TRPM3: variants seen among roughly 807,000 people sequenced by gnomAD.
TRPM3 encodes transient receptor potential cation channel subfamily M member 3.
Under a neutral mutation model 181.2 loss-of-function variants are expected in TRPM3, and 77 were observed. That is an observed-to-expected ratio of 0.42 (90% confidence interval 0.35 to 0.51). TRPM3 has a LOEUF of 0.51. Ranked by LOEUF, TRPM3 falls within the 20% of genes least tolerant of loss-of-function variation. The pLI, the probability that TRPM3 is intolerant of heterozygous loss-of-function variation, is 0.01. For synonymous variants in TRPM3, 745 were observed against 796.4 expected (o/e 0.94, Z 1.09); for missense variants, 1,759 against 2,196.7 (o/e 0.80, Z 3.98).
Position 70,619,061 on chromosome 9 carries a change from G to T in TRPM3, c.2164C>A (p.Gln722Lys). The T allele has an allele frequency of 6.2e-7, 1 of 1,614,004 alleles. No homozygotes were observed. Among genetic ancestry groups the T allele is most frequent in the Non-Finnish European group, 8.5e-7 (1 of 1,179,952 alleles). The part of the protein sequence containing the change: ...FGQLAVELLD[Q>K]SYKQDEQLAM... The stretch of plus-strand genomic sequence containing the variant: ...AGCTGTTCGTCCTGCTTGTAGGACT[G>T]GTCCAGGAGCTCCACAGCCAGCTGG... The change falls in exon 17 of 26, where the codon CAG becomes AAG. Residue 722 changes from glutamine (Q) to lysine (K), a missense_variant. By Grantham distance (53) the Gln-to-Lys change is moderately conservative. Transcript: ENST00000677713.
intron 1 of TRPM3, among the ~76,000 whole-genome samples, chr9:71,296,837 G>T (rs1284113444): frequency 1.3e-5 from 2 of 152,090 alleles, no homozygotes; most frequent in Non-Finnish European, 2.9e-5. Flanking sequence ...AAGTAGAAGA[G>T]AAAGAACTTA....
intron 22 of TRPM3, among the ~76,000 whole-genome samples, chr9:70,563,473 C>G (rs778375750): frequency 6.6e-6 from 1 of 152,210 alleles, no homozygotes. Context: ...GTCCTTTCCT[C>G]ATTTCTTCAC....
chr9:71,383,670 T>G (rs1364845168), intron 1 of TRPM3, among the ~76,000 whole-genome samples: 2 of 152,172 alleles, frequency 1.3e-5, no homozygotes, highest in Non-Finnish European at 2.9e-5. Flanking sequence ...GACTACCCCT[T>G]TTTTGCTTTT....
At chr9:70,592,974 C>T (rs773986462) in intron 21 of TRPM3, among the ~76,000 whole-genome samples, 12 of 152,116 alleles carry the variant, frequency 7.9e-5, no homozygotes, top group Admixed American at 3.3e-4. Context: ...TTGTGAGCCA[C>T]CCGCCTCGGC....
Position 70,883,768 on chromosome 9 carries a change from C to T in TRPM3, c.178-19257G>A, listed in dbSNP as rs562458239. On this transcript the variant is annotated intron_variant, in intron 1 of 25. Transcript: ENST00000677713. ...GGTAGAAGAAGCTGACATCGAGGGG[C>T]GATGAGACTTGCTCAAGTTCACACC... 1.2e-4 allele frequency among the ~76,000 whole-genome samples: 19 copies of T among 152,278 alleles called. 1 individual carries two copies. The highest frequency in any genetic ancestry group is 6.5e-4 in the Admixed American group (10 of 15,290).
intron 1 of TRPM3, among the ~76,000 whole-genome samples, chr9:70,927,459 C>A (rs76718857): frequency 0.054 from 8,146 of 152,106 alleles, 267 homozygotes; most frequent in South Asian, 0.08. Context: ...AATGCACTGG[C>A]AAAGACTTAA....
rs538909005 is a variant in TRPM3 at position 70,964,366 on chromosome 9, C to A, written c.178-99855G>T. On this transcript the variant is annotated intron_variant, in intron 1 of 25. Coordinates refer to ENST00000677713, the MANE Select transcript of TRPM3 (RefSeq NM_001366145.2). ...AATTAACAGAGAGGTAACAGAAGAA[C>A]CAGAGCTTAAAAACTATGAGACATT... is the stretch of plus-strand genomic sequence containing the variant. 2.0e-5 allele frequency among the ~76,000 whole-genome samples: 3 copies of A among 152,076 alleles called. No individual in the cohort carries two copies. The South Asian group carries it at 6.2e-4, about 32-fold the overall frequency.
intron 1 of TRPM3, among the ~76,000 whole-genome samples, chr9:71,148,003 G>T (rs2075520863): frequency 1.3e-5 from 2 of 151,660 alleles, no homozygotes; most frequent in African/African-American, 4.8e-5. Context: ...TAGCCAGCAA[G>T]TCTCCTTCCT....
chr9:70,997,252 G>A (rs746266736), intron 1 of TRPM3, among the ~76,000 whole-genome samples: 1 of 152,078 alleles, frequency 6.6e-6, no homozygotes, highest in Admixed American at 6.5e-5. Context: ...AGGCTGGAGT[G>A]CAGTGGCACG....
At chr9:70,561,240 A>G (rs930583411) in intron 22 of TRPM3, among the ~76,000 whole-genome samples, 4 of 152,204 alleles carry the variant, frequency 2.6e-5, no homozygotes, top group African/African-American at 9.7e-5. Context: ...CCTTTTGAAA[A>G]TCTATACAGT....
At chr9:71,331,877 A>AGGAGAGG (rs1293016190) in intron 1 of TRPM3, among the ~76,000 whole-genome samples, 2 of 1,440 alleles carry the variant, frequency 1.4e-3, no homozygotes, top group African/African-American at 6.0e-3. Context: ...GGAGGAAGAA[A>AGGAGAGG]GAGGAGGAAG....
At chr9:71,005,765 A>C (rs1797833217) in intron 1 of TRPM3, among the ~76,000 whole-genome samples, 1 of 152,244 alleles carries the variant, frequency 6.6e-6, no homozygotes, top group Non-Finnish European at 1.5e-5. Flanking sequence ...CTTACAAAAA[A>C]TGTTAAATGG....
At chr9:71,014,122 T>C (rs2097766429) in intron 1 of TRPM3, among the ~76,000 whole-genome samples, 1 of 152,046 alleles carries the variant, frequency 6.6e-6, no homozygotes, top group Non-Finnish European at 1.5e-5. Context: ...TATAGTGTTT[T>C]TAACATCATT....
intron 1 of TRPM3, among the ~76,000 whole-genome samples, chr9:71,164,202 G>A (rs1259437755): frequency 1.3e-5 from 2 of 152,198 alleles, no homozygotes; most frequent in South Asian, 4.1e-4. Context: ...TTTAAAGCCA[G>A]TTTGCTGAAA....
intron 1 of TRPM3, among the ~76,000 whole-genome samples, chr9:71,169,434 AAT>A (rs2076727650): frequency 6.6e-6 from 1 of 152,176 alleles, no homozygotes; most frequent in Non-Finnish European, 1.5e-5. Context: ...GCAAAAGACA[AAT>A]TATGTGCAGA....
intron 5 of TRPM3, among the ~76,000 whole-genome samples, chr9:70,836,461 T>C (rs2094331087): frequency 6.6e-6 from 1 of 152,204 alleles, no homozygotes; most frequent in African/African-American, 2.4e-5. Context: ...TGCTGCCTTG[T>C]CACCATTCTT....
intron 1 of TRPM3, among the ~76,000 whole-genome samples, chr9:70,988,507 G>A (rs756286844): frequency 7.2e-5 from 11 of 152,130 alleles, no homozygotes; most frequent in Non-Finnish European, 1.0e-4. Context: ...CTAGGTGAGC[G>A]TCCACTGTAT....
chr9:70,582,452 T>C (rs1193517160), intron 22 of TRPM3, among the ~76,000 whole-genome samples: 1 of 152,164 alleles, frequency 6.6e-6, no homozygotes, highest in Admixed American at 6.5e-5. Context: ...TCTGAGCACC[T>C]ACATTGTGTG....
intron 14 of TRPM3, among the ~76,000 whole-genome samples, chr9:70,622,811 C>T (rs2063820880): frequency 6.6e-6 from 1 of 152,146 alleles, no homozygotes; most frequent in African/African-American, 2.4e-5. Context: ...TTGTATTTGG[C>T]TATTCATGTT....
Sources: allele counts gnomAD v4.1 joint callset (sites outside exome capture counted in the v4.1 genomes callset), GRCh38; gene constraint gnomAD v4.1.1; transcripts MANE v1.5; gene names NCBI Gene and HGNC (gene_info 2026-07-23, HGNC 2026-07-21).